Variants in SNX33 observed in about 807,000 individuals in gnomAD.
SNX33 encodes the protein sorting nexin-33.
A neutral mutation model predicts 38.8 loss-of-function variants in SNX33; 19 were observed. The ratio of observed to expected loss-of-function variants is 0.49; its 90% CI spans 0.34 to 0.72. The LOEUF (loss-of-function observed/expected upper bound fraction) is 0.72, where lower values mean the gene tolerates loss of function less well. Among genes scored for constraint, SNX33 ranks in the 30% least tolerant of loss-of-function variants. SNX33 has a pLI of 0.01. For missense variants in SNX33, 641 were observed against 776.4 expected (o/e 0.83, Z 2.07); for synonymous variants, 246 against 289.7 (o/e 0.85, Z 1.53).
At chr15:75,655,293 G>A (rs1893639984) in intron 1 of SNX33, among the ~76,000 whole-genome samples, 1 of 152,222 alleles carries the variant, frequency 6.6e-6, no homozygotes, top group African/African-American at 2.4e-5. Context: ...TCGAGGGTTG[G>A]ACACCTGATC....
chr15:75,651,721 C>T (rs1192118271), intron 1 of SNX33, among the ~76,000 whole-genome samples: 1 of 152,240 alleles, frequency 6.6e-6, no homozygotes, highest in Non-Finnish European at 1.5e-5. Flanking sequence ...GTGATCCTCC[C>T]TGGGGCTGCT....
rs966920306 is a variant in SNX33, at chr15:75,648,977, G to T, written c.-126G>T. 7 of 1,239,044 alleles carry T rather than the reference G, an allele frequency of 5.6e-6. No homozygotes were observed. In the African/African-American group the frequency reaches 7.6e-5, roughly 13 times the overall value. The allele number at this position is 1,239,044 out of a possible 1,614,324, so 76.8% of individuals were successfully genotyped here. A position where few individuals can be genotyped will look rare whatever the true frequency, so the allele number is the denominator to read the frequency against. On this transcript the variant is annotated 5_prime_UTR_variant, in exon 1 of 2. The change creates a new upstream start codon in the 5' untranslated region. Coordinates refer to ENST00000308527, the MANE Select transcript of SNX33 (RefSeq NM_153271.2). This position sits in a 1 kb window ranked among gnomAD's most constrained non-coding sequence, Gnocchi z 4.4. ...CTGTGGGTGCTGAGACCCCACCTTA[G>T]GACCTGAGAGATTGAACTGTGTAAG...
At chr15:75,654,641 G>C (rs565894239) in intron 1 of SNX33, among the ~76,000 whole-genome samples, 2 of 152,174 alleles carry the variant, frequency 1.3e-5, no homozygotes, top group African/African-American at 2.4e-5. Context: ...GTAGAATGTC[G>C]GGGGGATGCT....
In SNX33 at chr15:75,649,204, A is replaced by G. The variant is rs758392116; in HGVS notation, c.102A>G (p.Ser34=). 4 of 1,614,134 alleles carry G rather than the reference A, an allele frequency of 2.5e-6. No individual in the cohort carries two copies. Among genetic ancestry groups the G allele is most frequent in the South Asian group, 1.1e-5 (1 of 91,062 alleles). ...DEDLVIFSET[S]LDGWLQGQNS... ...ACCTGGTCATCTTTAGCGAGACCTC[A>G]CTGGATGGCTGGCTGCAGGGCCAGA... Residue 34 remains serine (S), a synonymous_variant, in exon 1 of 2, where the codon TCA becomes TCG. Coordinates refer to ENST00000308527, the MANE Select transcript of SNX33 (RefSeq NM_153271.2). This position sits in a 1 kb window ranked among gnomAD's most constrained non-coding sequence, Gnocchi z 6.6.
chr15:75,649,750 G>A lies in SNX33; in HGVS notation c.648G>A (p.Met216Ile). The A allele has an allele frequency of 6.5e-7, 1 of 1,527,180 alleles. No homozygotes were observed. Among genetic ancestry groups the A allele is most frequent in the East Asian group, 2.3e-5 (1 of 43,794 alleles). The allele number at this position is 1,527,180 out of a possible 1,614,324, so 94.6% of individuals were successfully genotyped here. A position where few individuals can be genotyped will look rare whatever the true frequency, so the allele number is the denominator to read the frequency against. The change falls in exon 1 of 2, where the codon ATG becomes ATA. Residue 216 changes from methionine (M) to isoleucine (I), a missense_variant. Coordinates refer to ENST00000308527, the MANE Select transcript of SNX33 (RefSeq NM_153271.2). This position sits in a 1 kb window ranked among gnomAD's most constrained non-coding sequence, Gnocchi z 6.6. ...AKIAETYSIE[M>I]GPRGPQWKAN... is the part of the protein sequence containing the mutation. ...TCGCTGAGACATACTCCATTGAAAT[G>A]GGCCCTCGTGGCCCCCAGTGGAAGG...
chr15:75,652,560 A>G (rs1419429028), intron 1 of SNX33, among the ~76,000 whole-genome samples: 1 of 152,072 alleles, frequency 6.6e-6, no homozygotes, highest in Non-Finnish European at 1.5e-5. Context: ...AGCCTTTCTG[A>G]CCCTGGGCAG....
Position 75,649,938 on chromosome 15 carries a change from A to C in SNX33, c.836A>C (p.His279Pro). The C allele has an allele frequency of 1.2e-6, 2 of 1,602,598 alleles. No individual in the cohort carries two copies. Among genetic ancestry groups the C allele is most frequent in the Non-Finnish European group, 8.5e-7 (1 of 1,174,860 alleles). The change falls in exon 1 of 2, where the codon CAC (histidine) becomes CCC (proline). Residue 279 changes from histidine to proline, a missense_variant. Coordinates refer to ENST00000308527, the MANE Select transcript of SNX33 (RefSeq NM_153271.2). The surrounding 1 kb of genome is among the most constrained non-coding windows in gnomAD (Gnocchi z 6.6). ...HFDWLYNRLL[H>P]KFTVISVPHL... Reference sequence around the variant, plus strand: ...GACTGGCTCTATAACCGCCTGCTACACAAGTTCACTGTCATCTCGGTGCCC... The same window carrying C: ...GACTGGCTCTATAACCGCCTGCTACCCAAGTTCACTGTCATCTCGGTGCCC...
chr15:75,657,094 A>G lies in SNX33; in HGVS notation c.1604A>G (p.His535Arg). 6.2e-7 allele frequency: 1 copy of G among 1,614,176 alleles called. No individual in the cohort carries two copies. The highest frequency in any genetic ancestry group is 1.1e-5 in the South Asian group (1 of 91,086). Residue 535 changes from histidine to arginine, a missense_variant, in exon 2 of 2, where the codon CAC becomes CGC. Around this residue, in one of 2 missense-constraint regions of SNX33, gnomAD observed 398 missense variants for 542.5 expected, o/e 0.73. Coordinates refer to ENST00000308527, the MANE Select transcript of SNX33 (RefSeq NM_153271.2). The surrounding 1 kb of genome is among the most constrained non-coding windows in gnomAD (Gnocchi z 5.5). ...FALQAEMNHF[H>R]QRRELDFKHM... ...CTGCAGGCCGAGATGAACCACTTCC[A>G]CCAGCGCCGTGAGCTCGACTTCAAG... is the stretch of plus-strand genomic sequence containing the variant.
intron 1 of SNX33, among the ~76,000 whole-genome samples, chr15:75,654,985 T>C (rs1893636136): frequency 6.6e-6 from 1 of 152,214 alleles, no homozygotes; most frequent in African/African-American, 2.4e-5. Context: ...TAGTTCAGTA[T>C]CTCCTCTTTA....
chr15:75,654,439 A>C (rs1436742793), intron 1 of SNX33, among the ~76,000 whole-genome samples: 1 of 152,124 alleles, frequency 6.6e-6, no homozygotes, highest in African/African-American at 2.4e-5. Flanking sequence ...CCTGCCCCCA[A>C]CCTGGGGTGG....
rs1203109117 is a variant in SNX33 at position 75,648,960 on chromosome 15, G to A, written c.-143G>A. ...GGGAGACTGGACAGCATCTGTGGGT[G>A]CTGAGACCCCACCTTAGGACCTGAG... On this transcript the variant is annotated 5_prime_UTR_variant, in exon 1 of 2. Coordinates refer to ENST00000308527, the MANE Select transcript of SNX33 (RefSeq NM_153271.2). The surrounding 1 kb of genome is among the most constrained non-coding windows in gnomAD (Gnocchi z 4.4). The A allele has an allele frequency of 2.0e-6, 2 of 1,025,238 alleles. No individual in the cohort carries two copies. The highest frequency in any genetic ancestry group is 1.6e-5 in the African/African-American group (1 of 61,662). 63.5% of individuals were successfully genotyped at this position (1,025,238 alleles called of 1,614,324 possible).
chr15:75,650,025 G>A lies in SNX33; in HGVS notation c.923G>A (p.Arg308Gln), dbSNP rs1471980020. Residue 308 changes from arginine (R) to glutamine (Q), a missense_variant, in exon 1 of 2, where the codon CGG becomes CAG. Arg to Gln is a conservative substitution (Grantham distance 43). Around this residue, in one of 2 missense-constraint regions of SNX33, gnomAD observed 398 missense variants for 542.5 expected, o/e 0.73. Coordinates refer to ENST00000308527, the MANE Select transcript of SNX33 (RefSeq NM_153271.2). The surrounding 1 kb of genome is among the most constrained non-coding windows in gnomAD (Gnocchi z 6.1). ...GAGGACTTCATCGAAAAGCGGAAGC[G>A]GAGACTCATCCTCTGGATGGACCAC... ...FEEDFIEKRK[R>Q]RLILWMDHMT... 3 of 1,604,208 alleles carry A rather than the reference G, an allele frequency of 1.9e-6. No homozygotes were observed. Among genetic ancestry groups the A allele is most frequent in the East Asian group, 2.2e-5 (1 of 44,752 alleles).
Position 75,648,876 on chromosome 15 carries a change from G to A in SNX33, c.-227G>A, listed in dbSNP as rs369938032. ...GGACATGAGCCCTCCCTGCTCACAA[G>A]CATATGCCCGGAGACCTGATAGGGC... On this transcript the variant is annotated 5_prime_UTR_variant, in exon 1 of 2. Transcript: ENST00000308527. This position sits in a 1 kb window ranked among gnomAD's most constrained non-coding sequence, Gnocchi z 4.4. 1.3e-5 allele frequency: 6 copies of A among 465,294 alleles called. No individual in the cohort carries two copies. Among genetic ancestry groups the A allele is most frequent in the East Asian group, 1.1e-4 (3 of 27,426 alleles). The allele number at this position is 465,294 out of a possible 1,614,324, so 28.8% of individuals were successfully genotyped here. A position where few individuals can be genotyped will look rare whatever the true frequency, so the allele number is the denominator to read the frequency against.
intron 1 of SNX33, among the ~76,000 whole-genome samples, chr15:75,655,876 G>A (rs1253697590): frequency 6.6e-6 from 1 of 152,144 alleles, no homozygotes; most frequent in Non-Finnish European, 1.5e-5. Context: ...TGCAGCCCTC[G>A]GCGACTGAGT....
chr15:75,651,792 C>T (rs1490164189), intron 1 of SNX33, among the ~76,000 whole-genome samples: 3 of 152,226 alleles, frequency 2.0e-5, no homozygotes, highest in Non-Finnish European at 2.9e-5. Context: ...GAGGTTAGAC[C>T]TGGCTTGGTG....
chr15:75,648,127 G>T lies in SNX33; in HGVS notation c.-976G>T. ...GTGTGTGCGTGCACGCGAGGGTGGTGATCGGGGGTCGTAAGTCCCGGGTGA... is the reference window on the plus strand; with the variant it reads ...GTGTGTGCGTGCACGCGAGGGTGGTTATCGGGGGTCGTAAGTCCCGGGTGA... On this transcript the variant is annotated 5_prime_UTR_variant, in exon 1 of 2. Coordinates refer to ENST00000308527, the MANE Select transcript of SNX33 (RefSeq NM_153271.2). The surrounding 1 kb of genome is among the most constrained non-coding windows in gnomAD (Gnocchi z 4.4). 1.0e-6 allele frequency: 1 copy of T among 985,524 alleles called. No homozygotes were observed. The highest frequency in any genetic ancestry group is 4.7e-5 in the South Asian group (1 of 21,286). 61.0% of individuals were successfully genotyped at this position (985,524 alleles called of 1,614,324 possible). A position where few individuals can be genotyped will look rare whatever the true frequency, so the allele number is the denominator to read the frequency against.
intron 1 of SNX33, among the ~76,000 whole-genome samples, chr15:75,654,913 A>G (rs1331364627): frequency 6.6e-6 from 1 of 152,192 alleles, no homozygotes; most frequent in Non-Finnish European, 1.5e-5. Context: ...AAGGCCATGG[A>G]CAGGAAAAGT....
chr15:75,661,510 G>A lies in SNX33; in HGVS notation c.*4295G>A, dbSNP rs1477305346. ...TCAGAAGGGCTGATTGTGAAACCCA[G>A]CTCTGTTCAACATAGTTGAACACAA... is the stretch of plus-strand genomic sequence containing the variant. On this transcript the variant is annotated 3_prime_UTR_variant, in exon 2 of 2. Transcript: ENST00000308527. The surrounding 1 kb of genome is among the most constrained non-coding windows in gnomAD (Gnocchi z 4.5). 1 of 152,176 alleles carries A rather than the reference G, an allele frequency of 6.6e-6. No individual in the cohort carries two copies. Among genetic ancestry groups the A allele is most frequent in the Non-Finnish European group, 1.5e-5 (1 of 68,070 alleles). The allele number at this position is 152,176 out of a possible 1,614,324, so 9.4% of individuals were successfully genotyped here.
In SNX33 at chr15:75,657,770, A is replaced by T; in HGVS notation, c.*555A>T. On this transcript the variant is annotated 3_prime_UTR_variant, in exon 2 of 2. Coordinates refer to ENST00000308527, the MANE Select transcript of SNX33 (RefSeq NM_153271.2). The surrounding 1 kb of genome is among the most constrained non-coding windows in gnomAD (Gnocchi z 5.5). ...CAGGGAAGACTCCATAGAGTAGGCAACATTTGGGCAGTGTTTTGAAGAATG... is the reference window on the plus strand; with the variant it reads ...CAGGGAAGACTCCATAGAGTAGGCATCATTTGGGCAGTGTTTTGAAGAATG... The T allele has an allele frequency of 6.2e-6, 1 of 162,412 alleles. No homozygotes were observed. The highest frequency in any genetic ancestry group is 5.6e-5 in the Admixed American group (1 of 17,772). The allele number at this position is 162,412 out of a possible 1,614,324, so 10.1% of individuals were successfully genotyped here.
Sources: gnomAD v4.1 joint callset for allele counts (sites outside exome capture counted in the v4.1 genomes callset) on GRCh38, gnomAD v4.1.1 for gene constraint, gnomAD v4.1.1 regional missense constraint, Gnocchi (gnomAD v3.1) non-coding constraint, MANE v1.5 for transcripts, NCBI Gene and HGNC (gene_info 2026-07-23, HGNC 2026-07-21) for gene names.